Variants in SHISA9 observed in about 807,000 individuals in gnomAD.
SHISA9 encodes the protein protein shisa-9.
A neutral mutation model predicts 38.0 loss-of-function variants in SHISA9; 13 were observed. The observed-to-expected ratio is 0.34, with a 90% confidence interval of 0.22 to 0.54. The LOEUF is 0.54. Among genes scored for constraint, SHISA9 ranks in the 20% least tolerant of loss-of-function variants. SHISA9 has a pLI of 0.91. For missense variants in SHISA9, 538 were observed against 575.8 expected, an observed-to-expected ratio of 0.93 and a Z score of 0.67; for synonymous variants, 275 against 242.0, an observed-to-expected ratio of 1.14 and a Z score of -1.27.
chr16:13,098,637 G>A (rs1393334229), intron 2 of SHISA9, among the ~76,000 whole-genome samples: 1 of 152,224 alleles, frequency 6.6e-6, no homozygotes, highest in Non-Finnish European at 1.5e-5. Context: ...AAGGACTTGA[G>A]TGGTTTCTGG....
the SHISA9 span, among the ~76,000 whole-genome samples, chr16:13,420,889 A>G: frequency 6.6e-6 from 1 of 152,188 alleles, no homozygotes; most frequent in Non-Finnish European, 1.5e-5. Context: ...TCACGTAGAC[A>G]TTGATTCCAC....
At chr16:13,433,928 G>A in the SHISA9 span, among the ~76,000 whole-genome samples, 1 of 152,200 alleles carries the variant, frequency 6.6e-6, no homozygotes, top group African/African-American at 2.4e-5. Flanking sequence ...TAGGATAGAT[G>A]TATGTATGAA....
the SHISA9 span, among the ~76,000 whole-genome samples, chr16:13,410,133 G>C: frequency 3.3e-5 from 5 of 152,184 alleles, no homozygotes; most frequent in Admixed American, 1.3e-4. Flanking sequence ...AGTGAAACAA[G>C]TCTTTGACCC....
At chr16:13,345,392 T>G in the SHISA9 span, among the ~76,000 whole-genome samples, 1 of 152,202 alleles carries the variant, frequency 6.6e-6, no homozygotes, top group Admixed American at 6.5e-5. Context: ...TTGCTAAGGA[T>G]ACCGGCTTCC....
At chr16:13,483,483 T>A in the SHISA9 span, among the ~76,000 whole-genome samples, 13 of 152,148 alleles carry the variant, frequency 8.5e-5, no homozygotes, top group Non-Finnish European at 1.6e-4. Context: ...GTTGTGGTGT[T>A]TTGATATATA....
intron 2 of SHISA9, among the ~76,000 whole-genome samples, chr16:13,129,378 G>T (rs2141985643): frequency 6.6e-6 from 1 of 152,294 alleles, no homozygotes; most frequent in African/African-American, 2.4e-5. Flanking sequence ...CTAAGTTCTT[G>T]GAGTCCTCCT....
the SHISA9 span, among the ~76,000 whole-genome samples, chr16:13,400,495 G>GTT: frequency 6.6e-6 from 1 of 152,102 alleles, no homozygotes; most frequent in Non-Finnish European, 1.5e-5. Flanking sequence ...TAAAATCACT[G>GTT]TTTTTTGCAG....
chr16:13,379,406 C>T, the SHISA9 span, among the ~76,000 whole-genome samples: 1 of 152,098 alleles, frequency 6.6e-6, no homozygotes, highest in African/African-American at 2.4e-5. Flanking sequence ...TGACAATTTT[C>T]CCATCAGAGC....
chr16:13,531,505 G>T, the SHISA9 span, among the ~76,000 whole-genome samples: 1 of 152,206 alleles, frequency 6.6e-6, no homozygotes, highest in Non-Finnish European at 1.5e-5. Flanking sequence ...GCTGGTAGGT[G>T]ATGTTTAAAC....
At chr16:12,926,011 C>T (rs2071389397) in intron 2 of SHISA9, among the ~76,000 whole-genome samples, 1 of 152,098 alleles carries the variant, frequency 6.6e-6, no homozygotes, top group South Asian at 2.1e-4. Context: ...CAGGCGTGAG[C>T]CACCGTGCCT....
the SHISA9 span, among the ~76,000 whole-genome samples, chr16:13,465,772 A>G: frequency 2.6e-5 from 4 of 152,350 alleles, no homozygotes; most frequent in South Asian, 8.3e-4. Flanking sequence ...CTCCAGAAAG[A>G]AAAAGCTGCT....
chr16:13,194,819 A>G (rs542770096), intron 2 of SHISA9, among the ~76,000 whole-genome samples: 2 of 152,352 alleles, frequency 1.3e-5, no homozygotes, highest in Non-Finnish European at 2.9e-5. Context: ...ATATGGGTTA[A>G]CAATTCTGAT....
chr16:13,196,405 A>AAAAAG (rs1321478087), intron 2 of SHISA9, among the ~76,000 whole-genome samples: 2 of 151,194 alleles, frequency 1.3e-5, no homozygotes, highest in South Asian at 2.1e-4. Flanking sequence ...TCAAAAAAAA[A>AAAAAG]AAAAAGAAAG....
the SHISA9 span, among the ~76,000 whole-genome samples, chr16:13,252,400 C>G: frequency 6.6e-6 from 1 of 152,184 alleles, no homozygotes; most frequent in Non-Finnish European, 1.5e-5. Context: ...GCCAAGGATG[C>G]TGCTAAATAT....
At chr16:13,171,752 A>G (rs370550811) in intron 2 of SHISA9, among the ~76,000 whole-genome samples, 42 of 152,216 alleles carry the variant, frequency 2.8e-4, no homozygotes, top group African/African-American at 9.9e-4. Flanking sequence ...AAGGACTGTC[A>G]TCTTTATCCT....
At chr16:13,516,566 G>A in the SHISA9 span, among the ~76,000 whole-genome samples, 1 of 152,162 alleles carries the variant, frequency 6.6e-6, no homozygotes, top group Non-Finnish European at 1.5e-5. Context: ...TTGGGAGGCT[G>A]AGGTGGGTGG....
intron 2 of SHISA9, among the ~76,000 whole-genome samples, chr16:13,051,334 A>G (rs1224441775): frequency 6.6e-6 from 1 of 152,164 alleles, no homozygotes. Context: ...TCACTACCAC[A>G]AGAACAGTAT....
the SHISA9 span, among the ~76,000 whole-genome samples, chr16:13,363,689 C>A: frequency 6.6e-6 from 1 of 152,214 alleles, no homozygotes; most frequent in African/African-American, 2.4e-5. Context: ...AAGCAGGATG[C>A]AGCCTTTTCT....
chr16:13,212,439 T>C (rs532541981), intron 3 of SHISA9, among the ~76,000 whole-genome samples: 122 of 152,354 alleles, frequency 8.0e-4, no homozygotes, highest in African/African-American at 2.9e-3. Flanking sequence ...GGAGTCATTA[T>C]GGAATTCTGT....
Sources: gnomAD v4.1 joint callset for allele counts (sites outside exome capture counted in the v4.1 genomes callset) on GRCh38, gnomAD v4.1.1 for gene constraint, MANE v1.5 for transcripts, NCBI Gene and HGNC (gene_info 2026-07-23, HGNC 2026-07-21) for gene names.